Variants in MACROD2 observed in about 807,000 individuals in gnomAD.
The protein encoded by MACROD2 is mono-ADP ribosylhydrolase 2.
Under a neutral mutation model 70.4 loss-of-function variants are expected in MACROD2, and 36 were observed. That is an observed-to-expected ratio of 0.51 (90% CI 0.39 to 0.68). The LOEUF (loss-of-function observed/expected upper bound fraction) is 0.68, where lower values mean the gene tolerates loss of function less well. Ranked by LOEUF, MACROD2 falls within the 30% of genes least tolerant of loss-of-function variation. MACROD2 has a pLI of 0.00. For synonymous variants in MACROD2, 172 were observed against 178.8 expected, an observed-to-expected ratio of 0.96 and a Z score of 0.30; for missense variants, 496 against 538.4, an observed-to-expected ratio of 0.92 and a Z score of 0.78.
At chr20:14,562,473 A>G (rs1390088940) in intron 4 of MACROD2, among the ~76,000 whole-genome samples, 1 of 151,442 alleles carries the variant, frequency 6.6e-6, no homozygotes, top group African/African-American at 2.4e-5. Context: ...GAGTATAGAT[A>G]TAATTTTTAA....
chr20:14,862,204 TAA>T (rs1491345994), intron 5 of MACROD2, among the ~76,000 whole-genome samples: 2 of 13,610 alleles, frequency 1.5e-4, no homozygotes, highest in Non-Finnish European at 2.6e-4. Flanking sequence ...CATAAATATA[TAA>T]ATATATATAT....
chr20:15,113,697 C>A (rs1368954540), intron 5 of MACROD2, among the ~76,000 whole-genome samples: 3 of 151,684 alleles, frequency 2.0e-5, no homozygotes, highest in African/African-American at 7.3e-5. Flanking sequence ...CTGTTTCTTA[C>A]ATACAAAGGT....
intron 6 of MACROD2, among the ~76,000 whole-genome samples, chr20:15,231,117 A>G (rs1305286709): frequency 6.6e-6 from 1 of 152,092 alleles, no homozygotes; most frequent in African/African-American, 2.4e-5. Flanking sequence ...GCATTTTTCA[A>G]TGCAACATTG....
intron 15 of MACROD2, among the ~76,000 whole-genome samples, chr20:16,009,310 G>A (rs2066830563): frequency 6.6e-6 from 1 of 152,144 alleles, no homozygotes; most frequent in Non-Finnish European, 1.5e-5. Context: ...TGACAAAACA[G>A]GGACACAGGA....
intron 9 of MACROD2, among the ~76,000 whole-genome samples, chr20:15,874,049 C>T (rs144726961): frequency 7.4e-4 from 112 of 151,004 alleles, no homozygotes; most frequent in African/African-American, 1.5e-3. Context: ...TTTCTCCTAA[C>T]GCTATCCCTC....
intron 8 of MACROD2, among the ~76,000 whole-genome samples, chr20:15,828,618 G>A (rs965874953): frequency 6.6e-6 from 1 of 152,162 alleles, no homozygotes; most frequent in Non-Finnish European, 1.5e-5. Flanking sequence ...TTTCACGGTG[G>A]ATTTTACTGT....
intron 5 of MACROD2, among the ~76,000 whole-genome samples, chr20:15,157,236 C>A (rs575004536): frequency 6.6e-6 from 1 of 152,160 alleles, no homozygotes; most frequent in African/African-American, 2.4e-5. Context: ...AGACAGCCTC[C>A]TTCTCTTTGT....
chr20:15,252,184 A>G (rs1323731196), intron 6 of MACROD2, among the ~76,000 whole-genome samples: 2 of 152,236 alleles, frequency 1.3e-5, no homozygotes, highest in African/African-American at 2.4e-5. Context: ...ATGTGTATCT[A>G]TAAGCATTTT....
intron 5 of MACROD2, among the ~76,000 whole-genome samples, chr20:15,046,109 C>A (rs2075392692): frequency 6.6e-6 from 1 of 152,014 alleles, no homozygotes; most frequent in Non-Finnish European, 1.5e-5. Context: ...TCGCCTTTTT[C>A]TCTTCTGTTT....
chr20:14,684,161 G>A (rs190028466), intron 4 of MACROD2, among the ~76,000 whole-genome samples: 18 of 152,282 alleles, frequency 1.2e-4, no homozygotes, highest in Non-Finnish European at 1.5e-5. Context: ...GCTTCAGGCC[G>A]TGCCAAGTGA....
chr20:14,838,301 C>T (rs774578803), intron 5 of MACROD2, among the ~76,000 whole-genome samples: 1 of 151,954 alleles, frequency 6.6e-6, no homozygotes, highest in Non-Finnish European at 1.5e-5. Context: ...CAAGACCAGA[C>T]GATGGTTCTA....
At chr20:14,971,272 C>T (rs80099022) in intron 5 of MACROD2, among the ~76,000 whole-genome samples, 3,342 of 151,866 alleles carry the variant, frequency 0.022, 130 homozygotes, top group African/African-American at 0.075. Flanking sequence ...GATGGGTAAC[C>T]GTCACCTTAA....
At chr20:15,713,193 G>A (rs1256324712) in intron 8 of MACROD2, among the ~76,000 whole-genome samples, 1 of 152,180 alleles carries the variant, frequency 6.6e-6, no homozygotes, top group Non-Finnish European at 1.5e-5. Flanking sequence ...CAGCAGAGGA[G>A]GATCTTTAGT....
chr20:14,449,339 T>C (rs1314184655), intron 3 of MACROD2, among the ~76,000 whole-genome samples: 1 of 152,124 alleles, frequency 6.6e-6, no homozygotes, highest in African/African-American at 2.4e-5. Context: ...ATCAACAGAC[T>C]TTTTCAGCAT....
At chr20:14,049,531 A>C (rs1346010838) in intron 2 of MACROD2, among the ~76,000 whole-genome samples, 2 of 151,588 alleles carry the variant, frequency 1.3e-5, no homozygotes, top group Non-Finnish European at 2.9e-5. Context: ...ACCTGAGGTC[A>C]GGAGTTCAAG....
chr20:14,404,498 G>A (rs553778738), intron 3 of MACROD2, among the ~76,000 whole-genome samples: 6 of 152,086 alleles, frequency 3.9e-5, no homozygotes, highest in African/African-American at 4.8e-5. Context: ...ATGCTGACAC[G>A]GGTGCCTGTA....
chr20:14,683,400 G>T (rs925718457), intron 4 of MACROD2, among the ~76,000 whole-genome samples: 2 of 152,114 alleles, frequency 1.3e-5, no homozygotes, highest in African/African-American at 4.8e-5. Flanking sequence ...CCAGTGCTTG[G>T]AGCATGCCAT....
chr20:15,164,194 A>G (rs1197261062), intron 5 of MACROD2, among the ~76,000 whole-genome samples: 3 of 152,192 alleles, frequency 2.0e-5, no homozygotes, highest in Non-Finnish European at 4.4e-5. Flanking sequence ...AATAAAACAA[A>G]AGTTACAATA....
At position 15,779,853 on chromosome 20, in the gene MACROD2, G is replaced by A. The variant is rs116434538; in HGVS notation, c.646-82892G>A. Among the ~76,000 whole-genome samples, 465 of 152,182 alleles carry A rather than the reference G, an allele frequency of 3.1e-3. 5 individuals are homozygous for A. The highest frequency in any genetic ancestry group is 9.5e-3 in the African/African-American group (396 of 41,546). ...CCATTGCAACTGTTCCACGTGGGGCGAAAAGACATCTCTAGTTGTGTTGGA... is the reference window on the plus strand; with the variant it reads ...CCATTGCAACTGTTCCACGTGGGGCAAAAAGACATCTCTAGTTGTGTTGGA... On this transcript the variant is annotated intron_variant, in intron 8 of 17. Coordinates refer to ENST00000684519, the MANE Select transcript of MACROD2 (RefSeq NM_001351661.2).
Sources: gnomAD v4.1 joint callset for allele counts (sites outside exome capture counted in the v4.1 genomes callset) on GRCh38, gnomAD v4.1.1 for gene constraint, MANE v1.5 for transcripts, NCBI Gene and HGNC (gene_info 2026-07-23, HGNC 2026-07-21) for gene names.